Variants in PRR5L observed in about 807,000 individuals in gnomAD.
The protein encoded by PRR5L is proline rich 5 like, also known as proline-rich protein 5-like.
In PRR5L, 21 loss-of-function variants were observed where a neutral mutation model predicts 36.4. That is an observed-to-expected ratio of 0.58 (90% confidence interval 0.41 to 0.83). The LOEUF is 0.83. Ranked by LOEUF, PRR5L falls within the 40% of genes least tolerant of loss-of-function variation. The pLI, the probability that PRR5L is intolerant of heterozygous loss-of-function variation, is 0.00. For synonymous variants in PRR5L, 188 were observed against 197.0 expected (o/e 0.95, Z 0.38); for missense variants, 381 against 473.3 (o/e 0.80, Z 1.81).
At chr11:36,303,643 A>C (rs1856400151) in intron 1 of PRR5L, among the ~76,000 whole-genome samples, 1 of 152,108 alleles carries the variant, frequency 6.6e-6, no homozygotes, top group African/African-American at 2.4e-5. Flanking sequence ...TCCCTTCCCT[A>C]ATTGTCTCTC....
chr11:36,427,255 C>T (rs753407705), intron 4 of PRR5L, among the ~76,000 whole-genome samples: 5 of 152,260 alleles, frequency 3.3e-5, no homozygotes, highest in South Asian at 2.1e-4. Context: ...CATTATAGTG[C>T]GACTTGACTG....
chr11:36,436,323 T>C (rs1858605674), intron 5 of PRR5L, among the ~76,000 whole-genome samples: 1 of 152,198 alleles, frequency 6.6e-6, no homozygotes, highest in Non-Finnish European at 1.5e-5. Flanking sequence ...AGCTCTGATA[T>C]CTAGGTCATT....
rs79627555 is a variant in PRR5L, at chr11:36,300,851, G to A, written c.-126+4413G>A. 0.012 allele frequency: 1,788 copies of A among 152,610 alleles called. 86 individuals carry two copies. In the East Asian group the frequency reaches 0.17, roughly 14 times the overall value. The allele number at this position is 152,610 out of a possible 1,614,324, so 9.5% of individuals were successfully genotyped here. ...CTGGGCTGGGCTGGGCCGGGCTGAAGTTGGGGCCCAGGGCACAGGCCTGGG... is the reference window on the plus strand; with the variant it reads ...CTGGGCTGGGCTGGGCCGGGCTGAAATTGGGGCCCAGGGCACAGGCCTGGG... On this transcript the variant is annotated intron_variant, in intron 1 of 8. Transcript: ENST00000530639.
At chr11:36,420,852 C>CACACACAA (rs1264494391) in intron 4 of PRR5L, among the ~76,000 whole-genome samples, 43 of 150,528 alleles carry the variant, frequency 2.9e-4, no homozygotes, top group Admixed American at 1.4e-3. Context: ...CACACACACA[C>CACACACAA]ACACACACAC....
chr11:36,320,239 CTTTT>C (rs34085047), intron 1 of PRR5L, among the ~76,000 whole-genome samples: 13 of 94,904 alleles, frequency 1.4e-4, no homozygotes, highest in Non-Finnish European at 1.2e-4. Context: ...AACTGGGAAT[CTTTT>C]TTTTTTTTTT....
chr11:36,372,283 T>C (rs1397884498), intron 1 of PRR5L, among the ~76,000 whole-genome samples: 1 of 151,826 alleles, frequency 6.6e-6, no homozygotes, highest in Non-Finnish European at 1.5e-5. Flanking sequence ...AAATGAGTAA[T>C]GGGAATGGGG....
intron 1 of PRR5L, among the ~76,000 whole-genome samples, chr11:36,310,042 G>T (rs1474012706): frequency 2.8e-4 from 1 of 3,570 alleles, no homozygotes; most frequent in Non-Finnish European, 1.6e-3. Context: ...TGACCTGGAA[G>T]CCTGTTGTGT....
chr11:36,415,098 T>C (rs889889953), intron 3 of PRR5L, among the ~76,000 whole-genome samples: 1 of 151,390 alleles, frequency 6.6e-6, no homozygotes, highest in Non-Finnish European at 1.5e-5. Context: ...AGTACCATGC[T>C]GTTTTGGTTA....
At chr11:36,443,562 A>T (rs545972772) in intron 6 of PRR5L, among the ~76,000 whole-genome samples, 1 of 152,346 alleles carries the variant, frequency 6.6e-6, no homozygotes, top group South Asian at 2.1e-4. Flanking sequence ...CTTGCTTCAC[A>T]GGAGTGTTAA....
chr11:36,348,249 T>G (rs1856887601), intron 1 of PRR5L, among the ~76,000 whole-genome samples: 1 of 152,192 alleles, frequency 6.6e-6, no homozygotes, highest in Non-Finnish European at 1.5e-5. Context: ...CTTGGCTGCA[T>G]GGCTTTCTCT....
intron 1 of PRR5L, among the ~76,000 whole-genome samples, chr11:36,335,153 G>T (rs1856756529): frequency 1.3e-5 from 2 of 152,084 alleles, no homozygotes; most frequent in South Asian, 2.1e-4. Flanking sequence ...GTGGTGCAAT[G>T]ATGGCTCATT....
intron 4 of PRR5L, among the ~76,000 whole-genome samples, chr11:36,426,368 G>A (rs963504890): frequency 2.6e-5 from 4 of 152,136 alleles, no homozygotes; most frequent in Admixed American, 6.5e-5. Flanking sequence ...CCTCAGCCTC[G>A]TTACTTAGTC....
At chr11:36,322,508 T>C (rs1856622448) in intron 1 of PRR5L, among the ~76,000 whole-genome samples, 1 of 152,208 alleles carries the variant, frequency 6.6e-6, no homozygotes, top group Non-Finnish European at 1.5e-5. Flanking sequence ...TTTGGTTTCT[T>C]TGGGGAATTC....
intron 6 of PRR5L, among the ~76,000 whole-genome samples, chr11:36,443,245 G>A (rs1858760661): frequency 6.6e-6 from 1 of 152,154 alleles, no homozygotes; most frequent in East Asian, 1.9e-4. Flanking sequence ...AAGAGATGGG[G>A]GAAGAGGCAC....
chr11:36,385,330 A>T (rs879280771), intron 1 of PRR5L, among the ~76,000 whole-genome samples: 1 of 152,248 alleles, frequency 6.6e-6, no homozygotes, highest in Non-Finnish European at 1.5e-5. Flanking sequence ...AGGCTTATAG[A>T]TGAGTAAATA....
At chr11:36,305,483 G>A (rs1856420904) in intron 1 of PRR5L, among the ~76,000 whole-genome samples, 1 of 152,196 alleles carries the variant, frequency 6.6e-6, no homozygotes, top group South Asian at 2.1e-4. Context: ...ACCTATCTGT[G>A]AATATACTAA....
At chr11:36,388,946 G>C (rs990589145) in intron 1 of PRR5L, among the ~76,000 whole-genome samples, 1 of 151,698 alleles carries the variant, frequency 6.6e-6, no homozygotes. Context: ...TGATCTGCCT[G>C]CCTCGGCCTC....
chr11:36,458,061 G>A (rs200466574), intron 8 of PRR5L, among the ~76,000 whole-genome samples: 3 of 152,308 alleles, frequency 2.0e-5, no homozygotes, highest in Non-Finnish European at 2.9e-5. Context: ...TGGAGAGTAC[G>A]AGCATCCATG....
rs537520011 is a variant in PRR5L, at chr11:36,384,647, T to C, written c.-125-16350T>C. On this transcript the variant is annotated intron_variant, in intron 1 of 8. Coordinates refer to ENST00000530639, the MANE Select transcript of PRR5L (RefSeq NM_001160167.2). ...TTCCCTTCATCTCTTTTTCTCCTCT[T>C]TTCTTTTTCTCTCTTCTTTCTTTCT... 4.6e-5 allele frequency among the ~76,000 whole-genome samples: 6 copies of C among 131,168 alleles called. No homozygotes were observed. The East Asian group carries it at 1.4e-3, about 31-fold the overall frequency. 86.1% of individuals were successfully genotyped at this position (131,168 alleles called of 152,430 possible).
Sources: allele counts gnomAD v4.1 joint callset (sites outside exome capture counted in the v4.1 genomes callset), GRCh38; gene constraint gnomAD v4.1.1; transcripts MANE v1.5; gene names NCBI Gene and HGNC (gene_info 2026-07-23, HGNC 2026-07-21).